Variants in CHM observed in about 807,000 individuals in gnomAD.
CHM encodes the protein CHM Rab escort protein.
A neutral mutation model predicts 49.0 loss-of-function variants in CHM; 10 were observed. That is an observed-to-expected ratio of 0.20 (90% CI 0.13 to 0.35). The LOEUF is 0.35. CHM is among the 10% of genes least tolerant of loss of function. CHM has a pLI of 1.00. For synonymous variants in CHM, 184 were observed against 167.5 expected (o/e 1.10, Z -0.76); for missense variants, 455 against 478.4 (o/e 0.95, Z 0.46).
chrX:86,000,269 GAAAAAAAA>G (rs11299180), intron 2 of CHM, among the ~76,000 whole-genome samples: 1 of 72,633 alleles, frequency 1.4e-5, no homozygotes, highest in African/African-American at 5.0e-5. Flanking sequence ...AAGTCTTCCT[GAAAAAAAA>G]AAAAAAAAAA....
chrX:85,901,001 T>C (rs890561849), intron 10 of CHM, 83 bp downstream of exon 10: 1 of 675,534 alleles, frequency 1.5e-6, no homozygotes, highest in African/African-American at 2.2e-5. Context: ...TTGGCATTTA[T>C]TTGCATGTTA....
At chrX:85,942,706 T>C (rs1203518602) in intron 8 of CHM, among the ~76,000 whole-genome samples, 10 of 109,837 alleles carry the variant, frequency 9.1e-5, no homozygotes, top group Non-Finnish European at 1.5e-4. Context: ...TCTATGACAC[T>C]GTGGGAGGAA....
intron 4 of CHM, among the ~76,000 whole-genome samples, chrX:85,975,692 A>G (rs923470555): frequency 8.9e-6 from 1 of 112,491 alleles, no homozygotes; most frequent in African/African-American, 3.2e-5. Flanking sequence ...TGCTTACAGA[A>G]AAATAATAGT....
At chrX:85,928,613 A>G (rs1928235354) in intron 8 of CHM, among the ~76,000 whole-genome samples, 1 of 112,763 alleles carries the variant, frequency 8.9e-6, no homozygotes, top group African/African-American at 3.2e-5. Flanking sequence ...CTGAAAACAT[A>G]AAAGAATCTT....
intron 9 of CHM, among the ~76,000 whole-genome samples, chrX:85,909,967 C>T (rs1179526610): frequency 8.9e-6 from 1 of 111,806 alleles, no homozygotes; most frequent in Non-Finnish European, 1.9e-5. Context: ...CTTCATGAAT[C>T]AAGATGTTAA....
intron 2 of CHM, among the ~76,000 whole-genome samples, chrX:86,026,744 A>AT (rs1435499373): frequency 9.0e-6 from 1 of 111,677 alleles, no homozygotes; most frequent in Non-Finnish European, 1.9e-5. Context: ...GACAAATCTA[A>AT]TTTTTTTTAT....
At chrX:85,941,082 C>A (rs1929075936) in intron 8 of CHM, among the ~76,000 whole-genome samples, 1 of 111,522 alleles carries the variant, frequency 9.0e-6, no homozygotes, top group Non-Finnish European at 1.9e-5. Flanking sequence ...GAGTATTATG[C>A]AGAGAATAGA....
intron 4 of CHM, chrX:85,969,575 C>T (rs187785389): frequency 1.4e-3 from 277 of 197,404 alleles, no homozygotes; most frequent in African/African-American, 8.1e-3. Context: ...ATAAATCTAT[C>T]ATATGATCCA....
At chrX:86,038,035 T>C (rs1464868783) in intron 1 of CHM, among the ~76,000 whole-genome samples, 2 of 111,755 alleles carry the variant, frequency 1.8e-5, no homozygotes, top group African/African-American at 3.3e-5. Context: ...CAGTGGGAAA[T>C]TATGTACCTT....
At chrX:86,007,193 A>C (rs1165394407) in intron 2 of CHM, among the ~76,000 whole-genome samples, 3 of 112,371 alleles carry the variant, frequency 2.7e-5, no homozygotes, top group African/African-American at 9.7e-5. Context: ...GTGCTGGGAA[A>C]ACTGGATAGC....
At position 85,946,877 on chromosome X, in the gene CHM, G is replaced by C. The variant is rs112608811; in HGVS notation, c.1166+9276C>G. 9.2e-3 allele frequency among the ~76,000 whole-genome samples: 1,039 copies of C among 112,471 alleles called. 12 individuals are homozygous for C. Among genetic ancestry groups the C allele is most frequent in the African/African-American group, 0.032 (978 of 30,996 alleles). On this transcript the variant is annotated intron_variant, in intron 8 of 14. Coordinates refer to ENST00000357749, the MANE Select transcript of CHM (RefSeq NM_000390.4). ...ACCTGTGAGAGCAGCCACAGGGGCT[G>C]AACTCTACAAAGCCACAGGGGCAGA...
intron 13 of CHM, 34 bp downstream of exon 13, chrX:85,878,931 C>T (rs781301816): frequency 2.0e-6 from 2 of 982,112 alleles, no homozygotes; most frequent in Admixed American, 2.3e-5. Context: ...GTTACATTAC[C>T]TTTCCATCAT....
At chrX:85,975,537 A>T (rs1722619438) in intron 4 of CHM, among the ~76,000 whole-genome samples, 1 of 112,164 alleles carries the variant, frequency 8.9e-6, no homozygotes, top group African/African-American at 3.2e-5. Flanking sequence ...ATGCTGAGTA[A>T]AAAAAAGCCC....
chrX:85,979,654 CTGTT>C (rs777368345), intron 3 of CHM, among the ~76,000 whole-genome samples: 309 of 111,775 alleles, frequency 2.8e-3, no homozygotes, highest in African/African-American at 9.5e-3. Flanking sequence ...AAATTTTAAG[CTGTT>C]TAATACACAT....
Position 86,038,507 on chromosome X carries a change from C to T in CHM, c.49+8977G>A, listed in dbSNP as rs1018329111. Among the ~76,000 whole-genome samples the T allele has an allele frequency of 4.5e-5, 5 of 112,075 alleles. No individual in the cohort carries two copies. The South Asian group carries it at 1.5e-3, about 33-fold the overall frequency. On this transcript the variant is annotated intron_variant, in intron 1 of 14. Transcript: ENST00000357749. ...AGCTGTGCCCCTACCGCCTGGGGCACGTCATCAGGACCTGAGGCTGTGCCA... is the reference window on the plus strand; with the variant it reads ...AGCTGTGCCCCTACCGCCTGGGGCATGTCATCAGGACCTGAGGCTGTGCCA...
intron 12 of CHM, among the ~76,000 whole-genome samples, chrX:85,891,158 C>A (rs779818226): frequency 9.0e-6 from 1 of 111,557 alleles, no homozygotes; most frequent in African/African-American, 3.3e-5. Flanking sequence ...CTGTTAAAAG[C>A]ATTCCATTTT....
intron 9 of CHM, 110 bp from the exon 10 acceptor site, chrX:85,901,298 G>A (rs568476135): frequency 6.1e-6 from 3 of 488,986 alleles, no homozygotes; most frequent in Non-Finnish European, 1.0e-5. Context: ...GTGAAGACAA[G>A]ATTTAAAACT....
intron 14 of CHM, among the ~76,000 whole-genome samples, chrX:85,872,799 G>A (rs773871811): frequency 2.0e-4 from 22 of 111,249 alleles, no homozygotes; most frequent in African/African-American, 6.5e-4. Context: ...ATCTTCTATC[G>A]TCATTCCCAC....
Position 85,999,952 on chromosome X carries a change from T to C in CHM, c.117-18143A>G, listed in dbSNP as rs148528514. 5.8e-3 allele frequency among the ~76,000 whole-genome samples: 644 copies of C among 111,982 alleles called. 5 individuals are homozygous for C. The highest frequency in any genetic ancestry group is 0.02 in the African/African-American group (609 of 30,865). ...CAACAGAGGTTGTACTTGATATTTATAGCGGGGCACTTCAGAATCATCAAC... is the reference window on the plus strand; with the variant it reads ...CAACAGAGGTTGTACTTGATATTTACAGCGGGGCACTTCAGAATCATCAAC... On this transcript the variant is annotated intron_variant, in intron 2 of 14. Coordinates refer to ENST00000357749, the MANE Select transcript of CHM (RefSeq NM_000390.4).
Sources: gnomAD v4.1 joint callset for allele counts (sites outside exome capture counted in the v4.1 genomes callset) on GRCh38, gnomAD v4.1.1 for gene constraint, MANE v1.5 for transcripts, NCBI Gene and HGNC (gene_info 2026-07-23, HGNC 2026-07-21) for gene names.